Variants in AGBL1 observed in about 807,000 individuals in gnomAD.
The protein encoded by AGBL1 is AGBL carboxypeptidase 1, also known as cytosolic carboxypeptidase 4.
Under a neutral mutation model 118.9 loss-of-function variants are expected in AGBL1, and 130 were observed. The ratio of observed to expected loss-of-function variants is 1.09; its 90% confidence interval spans 0.95 to 1.26. AGBL1 has a LOEUF of 1.26. Among genes scored for constraint, AGBL1 ranks in the 50% most tolerant of loss-of-function variants. The pLI, the probability that AGBL1 is intolerant of heterozygous loss-of-function variation, is 0.00. For synonymous variants in AGBL1, 555 were observed against 478.9 expected, an observed-to-expected ratio of 1.16 and a Z score of -2.08; for missense variants, 1,584 against 1,298.1, an observed-to-expected ratio of 1.22 and a Z score of -3.38.
chr15:86,297,621 C>T (rs1236120733), intron 17 of AGBL1, among the ~76,000 whole-genome samples: 1 of 152,164 alleles, frequency 6.6e-6, no homozygotes, highest in South Asian at 2.1e-4. Context: ...CCAAATTATG[C>T]ATGAAGAGCT....
rs2084679306 is a variant in AGBL1, at chr15:86,613,094, G to A, written c.2994+58557G>A. Among the ~76,000 whole-genome samples, 1 of 152,186 alleles carries A rather than the reference G, an allele frequency of 6.6e-6. No individual in the cohort carries two copies. The highest frequency in any genetic ancestry group is 2.1e-4 in the South Asian group (1 of 4,830). On this transcript the variant is annotated intron_variant, in intron 21 of 22. Coordinates refer to ENST00000614907, the MANE Select transcript of AGBL1 (RefSeq NM_001386094.1). The surrounding 1 kb of genome is among the most constrained non-coding windows in gnomAD (Gnocchi z 4.2). ...TGTAACACAATCACTTTGGGCACAT[G>A]TTCTCAGGACCACCTGAGGCTGTGT...
chr15:86,913,516 C>T lies in AGBL1; in HGVS notation c.*6222C>T, dbSNP rs2080379877. 6.6e-6 allele frequency: 1 copy of T among 152,108 alleles called. No individual in the cohort carries two copies. The highest frequency in any genetic ancestry group is 1.5e-5 in the Non-Finnish European group (1 of 68,036). 9.4% of individuals were successfully genotyped at this position (152,108 alleles called of 1,614,324 possible). ...TCTATGAGAGAATTACCAAATGAGCCACATTTAGTTCTTATGACAAGTAGT... is the reference window on the plus strand; with the variant it reads ...TCTATGAGAGAATTACCAAATGAGCTACATTTAGTTCTTATGACAAGTAGT... On this transcript the variant is annotated 3_prime_UTR_variant, in exon 23 of 23. Transcript: ENST00000614907.
intron 6 of AGBL1, among the ~76,000 whole-genome samples, chr15:86,244,355 G>C (rs114181618): frequency 9.6e-4 from 146 of 152,248 alleles, no homozygotes; most frequent in African/African-American, 2.4e-3. Flanking sequence ...AGATCTTCCA[G>C]AACTCCTCTA....
chr15:86,443,390 T>C (rs575389794), intron 18 of AGBL1, among the ~76,000 whole-genome samples: 198 of 152,358 alleles, frequency 1.3e-3, no homozygotes, highest in African/African-American at 4.6e-3. Flanking sequence ...ATGTATACAA[T>C]GTGTAATGAT....
chr15:86,936,260 G>A lies in AGBL1; in HGVS notation c.3222-51727G>A, dbSNP rs542324814. On this transcript the variant is annotated intron_variant, in intron 23 of 24. Coordinates refer to the AGBL1 transcript ENST00000441037. Reference sequence around the variant, plus strand: ...TATGTATGTGTGTGTGTGTGTGTGTGTGTGTGTGACAGAGAGAGAAAGAGA... The same window carrying A: ...TATGTATGTGTGTGTGTGTGTGTGTATGTGTGTGACAGAGAGAGAAAGAGA... Among the ~76,000 whole-genome samples the A allele has an allele frequency of 7.0e-4, 106 of 151,910 alleles. 1 individual carries two copies. Among genetic ancestry groups the A allele is most frequent in the African/African-American group, 2.5e-3 (104 of 41,224 alleles).
At chr15:86,942,162 A>G (rs2080761303) in intron 23 of AGBL1, among the ~76,000 whole-genome samples, 1 of 152,190 alleles carries the variant, frequency 6.6e-6, no homozygotes, top group African/African-American at 2.4e-5. Flanking sequence ...TACGCAAAAC[A>G]TTCAGTACAC....
intron 18 of AGBL1, among the ~76,000 whole-genome samples, chr15:86,485,945 T>C (rs963099494): frequency 6.6e-6 from 1 of 151,916 alleles, no homozygotes; most frequent in Non-Finnish European, 1.5e-5. Flanking sequence ...TTAAACCCAA[T>C]ACATTAGACA....
chr15:86,193,576 A>G (rs901554280), intron 5 of AGBL1, among the ~76,000 whole-genome samples: 3 of 152,084 alleles, frequency 2.0e-5, no homozygotes, highest in African/African-American at 4.8e-5. Flanking sequence ...TGAGACTTGT[A>G]CACAGGCACA....
At chr15:86,108,754 C>T (rs1020704403) in intron 1 of AGBL1, among the ~76,000 whole-genome samples, 6 of 152,066 alleles carry the variant, frequency 3.9e-5, no homozygotes, top group Non-Finnish European at 5.9e-5. Flanking sequence ...GTCAAGAGAT[C>T]GAAGCCATCC....
At chr15:86,506,985 T>C (rs959654929) in intron 18 of AGBL1, among the ~76,000 whole-genome samples, 2 of 152,076 alleles carry the variant, frequency 1.3e-5, no homozygotes, top group African/African-American at 4.8e-5. Context: ...GCTTGAAGTG[T>C]ATATTTTAGT....
At chr15:86,634,466 T>A (rs1261231388) in intron 21 of AGBL1, among the ~76,000 whole-genome samples, 1 of 152,102 alleles carries the variant, frequency 6.6e-6, no homozygotes, top group East Asian at 1.9e-4. Flanking sequence ...AAATACCACA[T>A]AAAGCACAAT....
intron 23 of AGBL1, among the ~76,000 whole-genome samples, chr15:86,929,493 C>T (rs2080581266): frequency 6.6e-6 from 1 of 152,210 alleles, no homozygotes; most frequent in Non-Finnish European, 1.5e-5. Flanking sequence ...TGAATTTTCA[C>T]CACCTTTGCC....
Position 86,875,749 on chromosome 15 carries a change from G to C in AGBL1, c.3159-31338G>C, listed in dbSNP as rs868792777. Among the ~76,000 whole-genome samples, 8 of 152,292 alleles carry C rather than the reference G, an allele frequency of 5.3e-5. 1 individual carries two copies. In the Middle Eastern group the frequency reaches 0.02, roughly 389 times the overall value. ...GGGGCTCCTATTACCATTGAGAATG[G>C]GGTAGAGATCAATGAAAGTTAACCA... On this transcript the variant is annotated intron_variant, in intron 22 of 22. Transcript: ENST00000614907.
At chr15:86,769,669 T>G (rs2078145800) in intron 22 of AGBL1, among the ~76,000 whole-genome samples, 1 of 152,004 alleles carries the variant, frequency 6.6e-6, no homozygotes, top group Non-Finnish European at 1.5e-5. Context: ...CCATCGACAT[T>G]GGTAGCATTT....
At chr15:86,290,259 T>G (rs1039388933) in intron 16 of AGBL1, among the ~76,000 whole-genome samples, 1 of 152,060 alleles carries the variant, frequency 6.6e-6, no homozygotes, top group Non-Finnish European at 1.5e-5. Flanking sequence ...CTTGTTTAAC[T>G]GGGTTTTATT....
intron 18 of AGBL1, among the ~76,000 whole-genome samples, chr15:86,413,555 T>A (rs988595845): frequency 2.0e-5 from 3 of 152,148 alleles, no homozygotes; most frequent in African/African-American, 7.2e-5. Flanking sequence ...ATCTTTTTAA[T>A]AGTAGCCATT....
chr15:86,336,857 G>A (rs1457903626), intron 17 of AGBL1, among the ~76,000 whole-genome samples: 1 of 152,230 alleles, frequency 6.6e-6, no homozygotes, highest in African/African-American at 2.4e-5. Context: ...AAGCTCCTAT[G>A]ATGACACATG....
chr15:86,227,719 T>A (rs1012191033), intron 6 of AGBL1, among the ~76,000 whole-genome samples: 1 of 152,240 alleles, frequency 6.6e-6, no homozygotes, highest in Non-Finnish European at 1.5e-5. Flanking sequence ...GAAATGCACT[T>A]CTTGCATAAT....
At chr15:86,556,277 G>A (rs73459659) in intron 21 of AGBL1, 24,523 of 1,612,140 alleles carry the variant, frequency 0.015, 959 homozygotes, top group African/African-American at 0.15. Context: ...CCCAGTGGAT[G>A]GCCTTCAGGT....
Sources: gnomAD v4.1 joint callset for allele counts (sites outside exome capture counted in the v4.1 genomes callset) on GRCh38, gnomAD v4.1.1 for gene constraint, Gnocchi (gnomAD v3.1) non-coding constraint, MANE v1.5 for transcripts, NCBI Gene and HGNC (gene_info 2026-07-23, HGNC 2026-07-21) for gene names.